SPINT3: variants seen among roughly 807,000 people sequenced by gnomAD.
SPINT3 encodes the protein serine peptidase inhibitor, Kunitz type 3, also known as kunitz-type protease inhibitor 3.
A neutral mutation model predicts 3.3 loss-of-function variants in SPINT3; 4 were observed. That is an observed-to-expected ratio of 1.22 (90% confidence interval 0.60 to 2.79). The LOEUF is 2.79. Among genes scored for constraint, SPINT3 ranks in the 30% most tolerant of loss-of-function variants. The pLI is 0.01. For synonymous variants in SPINT3, 30 were observed against 38.6 expected (o/e 0.78, Z 0.83); for missense variants, 97 against 104.3 (o/e 0.93, Z 0.31).
At chr20:45,513,960 C>A (rs1189179653) in intron 1 of SPINT3, among the ~76,000 whole-genome samples, 3 of 152,226 alleles carry the variant, frequency 2.0e-5, no homozygotes, top group Non-Finnish European at 4.4e-5. Flanking sequence ...TATGGTGGAA[C>A]TTCAGGCAGC....
intron 1 of SPINT3, among the ~76,000 whole-genome samples, chr20:45,513,540 T>A (rs1278583973): frequency 6.6e-6 from 1 of 152,216 alleles, no homozygotes; most frequent in African/African-American, 2.4e-5. Flanking sequence ...AATCATTCTA[T>A]TTCTTAACCA....
Position 45,512,533 on chromosome 20 carries a change from T to C in SPINT3, c.*118A>G. Reference sequence around the variant, plus strand: ...GTAGGAGCACATCAGGGAGAATAAATGTGGGGGTAGAGGAATGAACCTCTT... The same window carrying C: ...GTAGGAGCACATCAGGGAGAATAAACGTGGGGGTAGAGGAATGAACCTCTT... On this transcript the variant is annotated 3_prime_UTR_variant, in exon 2 of 2. Coordinates refer to ENST00000217428, the MANE Select transcript of SPINT3 (RefSeq NM_006652.2). 1 of 957,036 alleles carries C rather than the reference T, an allele frequency of 1.0e-6. No individual in the cohort carries two copies. The highest frequency in any genetic ancestry group is 1.5e-6 in the Non-Finnish European group (1 of 653,064). The allele number at this position is 957,036 out of a possible 1,614,324, so 59.3% of individuals were successfully genotyped here. A position where few individuals can be genotyped will look rare whatever the true frequency, so the allele number is the denominator to read the frequency against.
In SPINT3 at chr20:45,512,776, T is replaced by G; in HGVS notation, c.145A>C (p.Met49Leu). 1 of 1,551,706 alleles carries G rather than the reference T, an allele frequency of 6.4e-7. No homozygotes were observed. The highest frequency in any genetic ancestry group is 1.2e-5 in the South Asian group (1 of 84,062). The change falls in exon 2 of 2, where the codon ATG becomes CTG. Residue 49 changes from methionine (M) to leucine (L), a missense_variant. Transcript: ENST00000217428. Reference sequence around the variant, plus strand: ...TCAAAGTTGAAAAACCATCGCGTCATGTAGGTTTGACAAGGGCCCTTTTCC... The same window carrying G: ...TCAAAGTTGAAAAACCATCGCGTCAGGTAGGTTTGACAAGGGCCCTTTTCC... ...PMEKGPCQTY[M>L]TRWFFNFETG...
chr20:45,512,523 G>T lies in SPINT3; in HGVS notation c.*128C>A. The stretch of plus-strand genomic sequence containing the variant: ...TGAAGCACTTGTAGGAGCACATCAG[G>T]GAGAATAAATGTGGGGGTAGAGGAA... On this transcript the variant is annotated 3_prime_UTR_variant, in exon 2 of 2. Transcript: ENST00000217428. 2 of 871,648 alleles carry T rather than the reference G, an allele frequency of 2.3e-6. No homozygotes were observed. Among genetic ancestry groups the T allele is most frequent in the Non-Finnish European group, 1.7e-6 (1 of 576,874 alleles). 54.0% of individuals were successfully genotyped at this position (871,648 alleles called of 1,614,324 possible). A position where few individuals can be genotyped will look rare whatever the true frequency, so the allele number is the denominator to read the frequency against.
chr20:45,512,775 A>T lies in SPINT3; in HGVS notation c.146T>A (p.Met49Lys), dbSNP rs1978770763. Residue 49 changes from methionine (M) to lysine (K), a missense_variant, in exon 2 of 2, where the codon ATG becomes AAG. Met to Lys is a moderately conservative substitution (Grantham distance 95). Transcript: ENST00000217428. ...PMEKGPCQTY[M>K]TRWFFNFETG... The stretch of plus-strand genomic sequence containing the variant: ...TTCAAAGTTGAAAAACCATCGCGTC[A>T]TGTAGGTTTGACAAGGGCCCTTTTC... 4.5e-6 allele frequency: 7 copies of T among 1,551,730 alleles called. No homozygotes were observed. In the East Asian group the frequency reaches 1.7e-4, roughly 38 times the overall value.
chr20:45,515,293 G>A (rs1025491760), intron 1 of SPINT3, among the ~76,000 whole-genome samples: 6 of 152,092 alleles, frequency 3.9e-5, no homozygotes, highest in Admixed American at 1.3e-4. Context: ...TCTCCCATTA[G>A]CATCTTAATT....
At chr20:45,514,218 C>T (rs1337515853) in intron 1 of SPINT3, among the ~76,000 whole-genome samples, 1 of 152,168 alleles carries the variant, frequency 6.6e-6, no homozygotes. Flanking sequence ...TCTTCCATTC[C>T]ATTAAACCAA....
intron 1 of SPINT3, among the ~76,000 whole-genome samples, chr20:45,513,438 A>G (rs889355465): frequency 2.0e-5 from 3 of 152,226 alleles, no homozygotes; most frequent in African/African-American, 7.2e-5. Flanking sequence ...TGCAGGTGTA[A>G]TATCCACATT....
Position 45,512,591 on chromosome 20 carries a change from G to A in SPINT3, c.*60C>T. The A allele has an allele frequency of 6.8e-7, 1 of 1,460,888 alleles. No individual in the cohort carries two copies. Among genetic ancestry groups the A allele is most frequent in the Admixed American group, 2.0e-5 (1 of 48,820 alleles). The allele number at this position is 1,460,888 out of a possible 1,614,324, so 90.5% of individuals were successfully genotyped here. On this transcript the variant is annotated 3_prime_UTR_variant, in exon 2 of 2. Coordinates refer to ENST00000217428, the MANE Select transcript of SPINT3 (RefSeq NM_006652.2). Reference sequence around the variant, plus strand: ...CACACACACACACACACACGCAAATGCCTTCTATGGCCCTCAGAGCAATCC... The same window carrying A: ...CACACACACACACACACACGCAAATACCTTCTATGGCCCTCAGAGCAATCC...
In SPINT3 at chr20:45,512,847, G is replaced by C; in HGVS notation, c.77-3C>G. 6.4e-7 allele frequency: 1 copy of C among 1,550,746 alleles called. No individual in the cohort carries two copies. The highest frequency in any genetic ancestry group is 8.7e-7 in the Non-Finnish European group (1 of 1,146,466). ...TGGGAGGAGATCCTTGATAGTGTCT[G>C]AAGAGAGAAAGTGGTTGAAGGAGAC... On this transcript the variant is annotated splice_region_variant and splice_polypyrimidine_tract_variant and intron_variant, in intron 1 of 1. Transcript: ENST00000217428.
intron 1 of SPINT3, among the ~76,000 whole-genome samples, chr20:45,513,238 C>T (rs991784008): frequency 6.6e-6 from 1 of 152,148 alleles, no homozygotes; most frequent in African/African-American, 2.4e-5. Context: ...AATAAAGATC[C>T]TCAGGTTTCT....
chr20:45,514,739 G>T (rs2145528068), intron 1 of SPINT3, among the ~76,000 whole-genome samples: 1 of 152,266 alleles, frequency 6.6e-6, no homozygotes, highest in African/African-American at 2.4e-5. Context: ...CATCTATAAG[G>T]TTATTGGGAG....
At chr20:45,514,431 C>G (rs922437899) in intron 1 of SPINT3, among the ~76,000 whole-genome samples, 2 of 152,108 alleles carry the variant, frequency 1.3e-5, no homozygotes. Context: ...GAAGAAGAAA[C>G]TGATGCTCAG....
Position 45,515,519 on chromosome 20 carries a change from C to T in SPINT3, c.76+14G>A. 1 of 1,549,220 alleles carries T rather than the reference C, an allele frequency of 6.5e-7. No individual in the cohort carries two copies. The highest frequency in any genetic ancestry group is 8.7e-7 in the Non-Finnish European group (1 of 1,145,190). Reference sequence around the variant, plus strand: ...TCCCAGTCTATTCTTTGAGATCCCACATTTCATACCAACCTCGTGCTAGTT... The same window carrying T: ...TCCCAGTCTATTCTTTGAGATCCCATATTTCATACCAACCTCGTGCTAGTT... On this transcript the variant is annotated intron_variant, in intron 1 of 1. Coordinates refer to ENST00000217428, the MANE Select transcript of SPINT3 (RefSeq NM_006652.2).
At position 45,512,942 on chromosome 20, in the gene SPINT3, G is replaced by A. The variant is rs928568112; in HGVS notation, c.77-98C>T. 1.8e-5 allele frequency: 16 copies of A among 911,516 alleles called. No individual in the cohort carries two copies. The Admixed American group carries it at 4.0e-4, about 23-fold the overall frequency. 56.5% of individuals were successfully genotyped at this position (911,516 alleles called of 1,614,324 possible). A position where few individuals can be genotyped will look rare whatever the true frequency, so the allele number is the denominator to read the frequency against. ...GTGACAGCCCTGGGCACAATTGTGA[G>A]GCCATCCACAATGGCTGTGCTCTGT... On this transcript the variant is annotated intron_variant, in intron 1 of 1. Transcript: ENST00000217428.
intron 1 of SPINT3, 65 bp from the exon 2 acceptor site, chr20:45,512,909 C>T: frequency 7.2e-7 from 1 of 1,388,556 alleles, no homozygotes; most frequent in South Asian, 1.3e-5. Context: ...CCTCATATGC[C>T]AGGGGCTGTG....
At position 45,512,775 on chromosome 20, in the gene SPINT3, A is replaced by G; in HGVS notation, c.146T>C (p.Met49Thr). ...TTCAAAGTTGAAAAACCATCGCGTCATGTAGGTTTGACAAGGGCCCTTTTC... is the reference window on the plus strand; with the variant it reads ...TTCAAAGTTGAAAAACCATCGCGTCGTGTAGGTTTGACAAGGGCCCTTTTC... ...PMEKGPCQTY[M>T]TRWFFNFETG... The change falls in exon 2 of 2, where the codon ATG (methionine) becomes ACG (threonine). Residue 49 changes from methionine (M) to threonine (T), a missense_variant. By Grantham distance (81) the Met-to-Thr change is moderately conservative (BLOSUM62 -1). Coordinates refer to ENST00000217428, the MANE Select transcript of SPINT3 (RefSeq NM_006652.2). 1 of 1,551,730 alleles carries G rather than the reference A, an allele frequency of 6.4e-7. No homozygotes were observed. Among genetic ancestry groups the G allele is most frequent in the Non-Finnish European group, 8.7e-7 (1 of 1,146,982 alleles).
At position 45,515,609 on chromosome 20, in the gene SPINT3, G is replaced by T. The variant is rs145507846; in HGVS notation, c.-1C>A. ...ACGAGAGAGAGGCCTGAAGCTGCAT[G>T]GTGCCACTCAGCCAGTGGCTCAGCC... On this transcript the variant is annotated 5_prime_UTR_variant, in exon 1 of 2. Transcript: ENST00000217428. 1.9e-6 allele frequency: 3 copies of T among 1,551,308 alleles called. No individual in the cohort carries two copies. Among genetic ancestry groups the T allele is most frequent in the Admixed American group, 2.0e-5 (1 of 50,978 alleles).
At position 45,512,743 on chromosome 20, in the gene SPINT3, C is replaced by T. The variant is rs1319206946; in HGVS notation, c.178G>A (p.Glu60Lys). Residue 60 changes from glutamate to lysine, a missense_variant, in exon 2 of 2, where the codon GAA becomes AAA. Coordinates refer to ENST00000217428, the MANE Select transcript of SPINT3 (RefSeq NM_006652.2). The part of the protein sequence containing the change: ...TRWFFNFETG[E>K]CELFAYGGCG... ...CCTCCGTAAGCAAATAACTCACATT[C>T]ACCAGTTTCAAAGTTGAAAAACCAT... The T allele has an allele frequency of 6.4e-7, 1 of 1,551,602 alleles. No individual in the cohort carries two copies. The highest frequency in any genetic ancestry group is 8.7e-7 in the Non-Finnish European group (1 of 1,146,994).
Sources: gnomAD v4.1 joint callset for allele counts (sites outside exome capture counted in the v4.1 genomes callset) on GRCh38, gnomAD v4.1.1 for gene constraint, MANE v1.5 for transcripts, NCBI Gene and HGNC (gene_info 2026-07-23, HGNC 2026-07-21) for gene names.